HEPACAM2: variants seen among roughly 807,000 people sequenced by gnomAD.
HEPACAM2 encodes mitotic kinetics regulator.
Under a neutral mutation model 49.6 loss-of-function variants are expected in HEPACAM2, and 49 were observed. That is an observed-to-expected ratio of 0.99 (90% CI 0.78 to 1.25). HEPACAM2 has a LOEUF of 1.25. HEPACAM2 is among the 50% of genes most tolerant of loss of function. The pLI, the probability that HEPACAM2 is intolerant of heterozygous loss-of-function variation, is 0.00. For synonymous variants in HEPACAM2, 197 were observed against 202.9 expected (o/e 0.97, Z 0.25); for missense variants, 525 against 557.2 (o/e 0.94, Z 0.58).
intron 3 of HEPACAM2, among the ~76,000 whole-genome samples, chr7:93,211,963 C>T (rs1181882825): frequency 1.3e-5 from 2 of 151,982 alleles, no homozygotes; most frequent in Admixed American, 1.3e-4. Flanking sequence ...TAATTTAATA[C>T]ACATAAAAAT....
chr7:93,210,381 T>A (rs1794148676), intron 3 of HEPACAM2, among the ~76,000 whole-genome samples: 1 of 151,956 alleles, frequency 6.6e-6, no homozygotes, highest in Admixed American at 6.6e-5. Flanking sequence ...CATATAGCTA[T>A]TAAATAGCAG....
At chr7:93,197,431 T>C in intron 5 of HEPACAM2, 34 bp from the exon 6 acceptor site, 1 of 1,589,256 alleles carries the variant, frequency 6.3e-7, no homozygotes, top group Non-Finnish European at 8.6e-7. Context: ...TGGTAAGGTT[T>C]TTTTTAGTAC....
chr7:93,192,386 A>G (rs1252831525), intron 8 of HEPACAM2, 23 bp from the exon 9 acceptor site: 1 of 1,553,242 alleles, frequency 6.4e-7, no homozygotes, highest in Non-Finnish European at 8.9e-7. Context: ...ATACATTAAA[A>G]ATAAATTATC....
chr7:93,204,191 A>G (rs1793966442), intron 4 of HEPACAM2, among the ~76,000 whole-genome samples: 1 of 152,190 alleles, frequency 6.6e-6, no homozygotes, highest in African/African-American at 2.4e-5. Flanking sequence ...GTACAAATTG[A>G]AAACATTTCT....
At chr7:93,219,546 T>C in intron 1 of HEPACAM2, 95 bp from the exon 2 acceptor site, 1 of 1,563,398 alleles carries the variant, frequency 6.4e-7, no homozygotes, top group African/African-American at 1.4e-5. Context: ...GTGATAATCC[T>C]TTTCAAAGAA....
At chr7:93,201,383 A>G (rs183134580) in intron 4 of HEPACAM2, among the ~76,000 whole-genome samples, 4 of 152,042 alleles carry the variant, frequency 2.6e-5, no homozygotes, top group African/African-American at 9.6e-5. Context: ...CTACCTTTTT[A>G]TTCCTTTGCT....
At chr7:93,228,572 G>GT (rs11428598), upstream of HEPACAM2, among the ~76,000 whole-genome samples, 80,028 of 152,026 alleles carry the variant, frequency 0.53, 25,095 homozygotes, top group African/African-American at 0.88. Flanking sequence ...ATAGTTTGAA[G>GT]GTTTTATAAT....
chr7:93,220,705 T>G (rs1794432200), intron 1 of HEPACAM2, among the ~76,000 whole-genome samples: 1 of 152,188 alleles, frequency 6.6e-6, no homozygotes, highest in Non-Finnish European at 1.5e-5. Context: ...GCTGGGGATT[T>G]GTGGACCCAT....
At chr7:93,224,621 A>G (rs1794507618) in intron 1 of HEPACAM2, among the ~76,000 whole-genome samples, 1 of 152,162 alleles carries the variant, frequency 6.6e-6, no homozygotes, top group Non-Finnish European at 1.5e-5. Context: ...TTGAAGTCCT[A>G]CTGTAGAATT....
intron 2 of HEPACAM2, 116 bp downstream of exon 2, chr7:93,218,985 A>C (rs1794381394): frequency 1.3e-6 from 1 of 767,656 alleles, no homozygotes; most frequent in Admixed American, 2.5e-5. Context: ...TTTGAGGATT[A>C]ATTGATTTGT....
In HEPACAM2 at chr7:93,219,408, G is replaced by T. The variant is rs1794398224; in HGVS notation, c.123C>A (p.Val41=). 6.2e-7 allele frequency: 1 copy of T among 1,614,014 alleles called. No individual in the cohort carries two copies. Among genetic ancestry groups the T allele is most frequent in the Non-Finnish European group, 8.5e-7 (1 of 1,179,948 alleles). The change falls in exon 2 of 10, where the codon GTC becomes GTA. Residue 41 remains valine, a synonymous_variant. Transcript: ENST00000394468. ...GLKVTVPSHT[V]HGVRGQALYL... ...AGAGGGCCTGACCTCTGACGCCATG[G>T]ACAGTGTGTGATGGCACTGTCACCT...
At chr7:93,211,251 G>C (rs768403876) in intron 3 of HEPACAM2, among the ~76,000 whole-genome samples, 5 of 152,024 alleles carry the variant, frequency 3.3e-5, no homozygotes, top group African/African-American at 4.8e-5. Context: ...TAATAAACCT[G>C]CATGAGATAA....
At chr7:93,191,768 T>C (rs574072474) in intron 9 of HEPACAM2, among the ~76,000 whole-genome samples, 4 of 152,156 alleles carry the variant, frequency 2.6e-5, no homozygotes, top group Admixed American at 2.0e-4. Context: ...TTCCACTCAA[T>C]TGGGAATAGG....
Position 93,192,280 on chromosome 7 carries a change from G to A in HEPACAM2, c.1359C>T (p.Ile453=). The A allele has an allele frequency of 6.2e-7, 1 of 1,612,550 alleles. No individual in the cohort carries two copies. Among genetic ancestry groups the A allele is most frequent in the Admixed American group, 1.7e-5 (1 of 59,908 alleles). ...HSTVYEVIQH[I]PAQQQDHPE ...CTGGATGGTCTTGCTGCTGGGCAGG[G>A]ATGTGCTGAATAACTTCATACACTG... is the stretch of plus-strand genomic sequence containing the variant. The change falls in exon 9 of 10, where the codon ATC becomes ATT. Residue 453 remains isoleucine, a synonymous_variant. Transcript: ENST00000394468.
chr7:93,219,245 G>T lies in HEPACAM2; in HGVS notation c.286C>A (p.His96Asn). The change falls in exon 2 of 10, where the codon CAC (histidine) becomes AAC (asparagine). Residue 96 changes from histidine to asparagine, a missense_variant. Physicochemically the swap from His to Asn is moderately conservative, Grantham distance 68. Transcript: ENST00000394468. ...TTGGGTGGCATCATGGTGAACTTGT[G>T]TTGGTATTCCAAGTCAGGAACCACA... ...KSVVPDLEYQ[H>N]KFTMMPPNAS... 1 of 1,614,016 alleles carries T rather than the reference G, an allele frequency of 6.2e-7. No homozygotes were observed. Among genetic ancestry groups the T allele is most frequent in the Non-Finnish European group, 8.5e-7 (1 of 1,179,936 alleles).
intron 2 of HEPACAM2, among the ~76,000 whole-genome samples, chr7:93,217,849 CTT>C (rs1794343969): frequency 6.6e-6 from 1 of 150,882 alleles, no homozygotes; most frequent in Non-Finnish European, 1.5e-5. Flanking sequence ...CTCTCTCTCT[CTT>C]TCTATTTTCT....
At chr7:93,206,204 T>C (rs953041723) in intron 4 of HEPACAM2, among the ~76,000 whole-genome samples, 6 of 152,140 alleles carry the variant, frequency 3.9e-5, no homozygotes, top group Non-Finnish European at 8.8e-5. Flanking sequence ...CCAGGATTGC[T>C]ACTATTTTAT....
chr7:93,217,277 A>C (rs557780089), intron 2 of HEPACAM2, among the ~76,000 whole-genome samples: 1 of 152,222 alleles, frequency 6.6e-6, no homozygotes, highest in Non-Finnish European at 1.5e-5. Flanking sequence ...GAGAAGAACC[A>C]ATCATTAGAA....
At chr7:93,207,314 A>G (rs1328300662) in intron 4 of HEPACAM2, among the ~76,000 whole-genome samples, 1 of 152,120 alleles carries the variant, frequency 6.6e-6, no homozygotes. Flanking sequence ...TAGGTACCTT[A>G]ACCACCATGT....
Sources: gnomAD v4.1 joint callset for allele counts (sites outside exome capture counted in the v4.1 genomes callset) on GRCh38, gnomAD v4.1.1 for gene constraint, MANE v1.5 for transcripts, NCBI Gene and HGNC (gene_info 2026-07-23, HGNC 2026-07-21) for gene names.